The following GPC6 variants were observed in gnomAD, a reference collection of about 807,000 sequenced individuals.
GPC6 encodes glypican-6.
GPC6 carries 14 observed loss-of-function variants against 55.2 expected under a neutral mutation model. The ratio of observed to expected loss-of-function variants is 0.25; its 90% CI spans 0.17 to 0.40. The LOEUF (loss-of-function observed/expected upper bound fraction) is 0.40. Among genes scored for constraint, GPC6 ranks in the 10% least tolerant of loss-of-function variants. The probability of loss-of-function intolerance (pLI) is 1.00; values close to 1 mark genes in which losing one functional copy is unlikely to be tolerated. For missense variants in GPC6, 641 were observed against 708.5 expected (o/e 0.90, Z 1.08); for synonymous variants, 278 against 259.6 (o/e 1.07, Z -0.68).
intron 4 of GPC6, among the ~76,000 whole-genome samples, chr13:94,029,716 A>G (rs1256935304): frequency 6.6e-6 from 1 of 152,196 alleles, no homozygotes; most frequent in Non-Finnish European, 1.5e-5. Context: ...AGAGCAGGAC[A>G]TGATTAAGAA....
chr13:93,535,263 G>C (rs1195431021), intron 1 of GPC6, among the ~76,000 whole-genome samples: 1 of 152,136 alleles, frequency 6.6e-6, no homozygotes, highest in Non-Finnish European at 1.5e-5. Flanking sequence ...TTCTTCAAAA[G>C]TTATAACTTT....
At chr13:93,851,504 G>T (rs1212127044) in intron 3 of GPC6, among the ~76,000 whole-genome samples, 3 of 151,808 alleles carry the variant, frequency 2.0e-5, no homozygotes, top group African/African-American at 7.2e-5. Flanking sequence ...AAGTCAGCTA[G>T]GAGTGTTCAG....
chr13:93,267,211 T>C (rs2139048056), intron 1 of GPC6, among the ~76,000 whole-genome samples: 1 of 152,254 alleles, frequency 6.6e-6, no homozygotes, highest in African/African-American at 2.4e-5. Flanking sequence ...TGAATTCAAG[T>C]TTGTTACAAC....
At chr13:94,344,433 G>C (rs1337061535) in intron 6 of GPC6, among the ~76,000 whole-genome samples, 1 of 152,200 alleles carries the variant, frequency 6.6e-6, no homozygotes, top group Non-Finnish European at 1.5e-5. Context: ...AGCAGTCTTA[G>C]TCTCACAGGA....
intron 3 of GPC6, among the ~76,000 whole-genome samples, chr13:93,895,684 A>G (rs1453934418): frequency 6.6e-6 from 1 of 152,054 alleles, no homozygotes; most frequent in Non-Finnish European, 1.5e-5. Context: ...ATGAATCAGA[A>G]CATGACATGC....
At chr13:93,677,742 TA>T (rs1231228567) in intron 2 of GPC6, among the ~76,000 whole-genome samples, 1 of 152,094 alleles carries the variant, frequency 6.6e-6, no homozygotes, top group Non-Finnish European at 1.5e-5. Flanking sequence ...GAGATAAGGG[TA>T]AAATACTACC....
intron 1 of GPC6, among the ~76,000 whole-genome samples, chr13:93,433,346 T>C (rs996229484): frequency 6.6e-6 from 1 of 152,190 alleles, no homozygotes; most frequent in African/African-American, 2.4e-5. Context: ...CTTTTGCCAC[T>C]GTGAGACCTC....
At chr13:94,322,540 G>C (rs1876882648) in intron 6 of GPC6, among the ~76,000 whole-genome samples, 1 of 152,090 alleles carries the variant, frequency 6.6e-6, no homozygotes, top group African/African-American at 2.4e-5. Context: ...GCTCCAGACT[G>C]CGGTGATTAC....
intron 1 of GPC6, among the ~76,000 whole-genome samples, chr13:93,474,085 T>C (rs1020289262): frequency 6.6e-6 from 1 of 152,202 alleles, no homozygotes; most frequent in African/African-American, 2.4e-5. Flanking sequence ...TGAGACTCTG[T>C]CTTGTTTAAA....
intron 3 of GPC6, among the ~76,000 whole-genome samples, chr13:93,995,407 C>A (rs909299064): frequency 4.6e-5 from 7 of 151,924 alleles, no homozygotes; most frequent in Admixed American, 4.6e-4. Context: ...AGGCTGGTCT[C>A]GATCTCCTAA....
intron 1 of GPC6, among the ~76,000 whole-genome samples, chr13:93,249,650 T>G (rs1318724360): frequency 2.6e-5 from 4 of 152,242 alleles, no homozygotes; most frequent in African/African-American, 9.6e-5. Context: ...GATTTCACTT[T>G]GGTCCAAGCA....
chr13:93,409,395 T>C (rs1876412280), intron 1 of GPC6, among the ~76,000 whole-genome samples: 1 of 152,180 alleles, frequency 6.6e-6, no homozygotes, highest in Non-Finnish European at 1.5e-5. Flanking sequence ...ACTTGCAACT[T>C]GTGCCTGGAA....
At chr13:93,539,421 T>C (rs1882196402) in intron 1 of GPC6, among the ~76,000 whole-genome samples, 1 of 152,156 alleles carries the variant, frequency 6.6e-6, no homozygotes, top group Non-Finnish European at 1.5e-5. Flanking sequence ...AGACCAAGCA[T>C]ATATCATGGA....
chr13:94,091,802 A>G (rs989187470), intron 4 of GPC6, among the ~76,000 whole-genome samples: 1 of 151,986 alleles, frequency 6.6e-6, no homozygotes, highest in Non-Finnish European at 1.5e-5. Flanking sequence ...AGTCACTAAA[A>G]TGAAAAGAAC....
At chr13:93,961,702 A>G (rs191516970) in intron 3 of GPC6, among the ~76,000 whole-genome samples, 1 of 152,314 alleles carries the variant, frequency 6.6e-6, no homozygotes, top group Admixed American at 6.5e-5. Flanking sequence ...AGAGGAAATG[A>G]TGAACTTCTA....
intron 3 of GPC6, among the ~76,000 whole-genome samples, chr13:93,896,825 C>T (rs532650019): frequency 6.6e-6 from 1 of 151,968 alleles, no homozygotes; most frequent in Admixed American, 6.6e-5. Context: ...GAGAATTTTC[C>T]GTGAATCCTG....
intron 3 of GPC6, among the ~76,000 whole-genome samples, chr13:93,977,289 G>A (rs1863776255): frequency 1.3e-5 from 2 of 152,190 alleles, no homozygotes; most frequent in Admixed American, 1.3e-4. Context: ...GCTGCATTTG[G>A]TTTCCTGTCA....
At chr13:93,585,972 T>TA (rs901267288) in intron 2 of GPC6, among the ~76,000 whole-genome samples, 7 of 152,176 alleles carry the variant, frequency 4.6e-5, no homozygotes, top group African/African-American at 1.4e-4. Context: ...CTTTTTTTTT[T>TA]AACTTGTAAG....
intron 2 of GPC6, among the ~76,000 whole-genome samples, chr13:93,733,638 G>A (rs1322551224): frequency 6.6e-6 from 1 of 151,740 alleles, no homozygotes; most frequent in African/African-American, 2.4e-5. Context: ...GGCATGAAAT[G>A]ATTGGTAGTC....
Sources: gnomAD v4.1 joint callset for allele counts (sites outside exome capture counted in the v4.1 genomes callset) on GRCh38, gnomAD v4.1.1 for gene constraint, MANE v1.5 for transcripts, NCBI Gene and HGNC (gene_info 2026-07-23, HGNC 2026-07-21) for gene names.